Variants in ZFP64 observed in about 807,000 individuals in gnomAD.
The protein encoded by ZFP64 is zinc finger protein 64.
ZFP64 carries 14 observed loss-of-function variants against 51.6 expected under a neutral mutation model. The observed-to-expected ratio is 0.27, with a 90% CI of 0.18 to 0.42. ZFP64 has a LOEUF of 0.42. Among genes scored for constraint, ZFP64 ranks in the 10% least tolerant of loss-of-function variants. ZFP64 has a pLI of 1.00. For missense variants in ZFP64, 754 were observed against 906.8 expected, an observed-to-expected ratio of 0.83 and a Z score of 2.16; for synonymous variants, 375 against 361.4, an observed-to-expected ratio of 1.04 and a Z score of -0.43.
Position 52,151,999 on chromosome 20 carries a change from T to C in ZFP64, c.*147A>G. ...TTGCAGTGAGCCAAGATAGCGCCACTGCACTCCAGCCTGGGAAACAGAGCG... is the reference window on the plus strand; with the variant it reads ...TTGCAGTGAGCCAAGATAGCGCCACCGCACTCCAGCCTGGGAAACAGAGCG... On this transcript the variant is annotated 3_prime_UTR_variant, in exon 6 of 6. Transcript: ENST00000216923. 7.0e-7 allele frequency: 1 copy of C among 1,426,826 alleles called. No homozygotes were observed. Among genetic ancestry groups the C allele is most frequent in the Non-Finnish European group, 9.2e-7 (1 of 1,091,006 alleles). 88.4% of individuals were successfully genotyped at this position (1,426,826 alleles called of 1,614,324 possible).
chr20:52,130,328 C>T (rs772667242), intron 5 of ZFP64, among the ~76,000 whole-genome samples: 20 of 152,214 alleles, frequency 1.3e-4, no homozygotes, highest in Non-Finnish European at 2.4e-4. Flanking sequence ...ATCCTCCCAC[C>T]TCAGCCTCCA....
chr20:52,133,454 A>T (rs547866303), intron 5 of ZFP64, among the ~76,000 whole-genome samples: 1 of 152,306 alleles, frequency 6.6e-6, no homozygotes, highest in East Asian at 1.9e-4. Flanking sequence ...TATTTGGAAA[A>T]ACCTAAGGAC....
chr20:52,141,554 GA>G (rs1980255676), intron 5 of ZFP64, among the ~76,000 whole-genome samples: 1 of 152,162 alleles, frequency 6.6e-6, no homozygotes, highest in South Asian at 2.1e-4. Flanking sequence ...AGATGGTAGA[GA>G]TTGCAAGAGA....
chr20:52,104,390 C>T (rs529047898), intron 5 of ZFP64, among the ~76,000 whole-genome samples: 1 of 152,320 alleles, frequency 6.6e-6, no homozygotes, highest in Non-Finnish European at 1.5e-5. Flanking sequence ...TTGCTACATC[C>T]TGTGTCCACG....
intron 7 of ZFP64, chr20:52,097,071 G>A (rs1006129208): frequency 2.9e-6 from 2 of 695,294 alleles, no homozygotes; most frequent in Non-Finnish European, 5.5e-6. Context: ...GCACTCCTTT[G>A]CTTCAGCAGG....
chr20:52,104,992 G>T, intron 5 of ZFP64: 1 of 1,019,752 alleles, frequency 9.8e-7, no homozygotes, highest in Non-Finnish European at 1.4e-6. Context: ...GGACGCCCAG[G>T]TCCGAGTCCC....
At position 52,119,576 on chromosome 20, in the gene ZFP64, A is replaced by ACACACAC. The variant is rs1555802579; in HGVS notation, c.764-20990_764-20989insGTGTGTG. Among the ~76,000 whole-genome samples, 15 of 132,566 alleles carry ACACACAC rather than the reference A, an allele frequency of 1.1e-4. No homozygotes were observed. The East Asian group carries it at 2.3e-3, about 20-fold the overall frequency. 87.0% of individuals were successfully genotyped at this position (132,566 alleles called of 152,430 possible). On this transcript the variant is annotated intron_variant, in intron 5 of 8. Transcript: ENST00000361387. ...TATACATATATATATATACACACAC[A>ACACACAC]ACACACACACACACACACACACATA...
exon 9 of ZFP64, chr20:52,084,230 G>T: frequency 3.4e-6 from 1 of 290,390 alleles, no homozygotes; most frequent in Non-Finnish European, 6.4e-6. Context: ...ATCAGAGATG[G>T]ATCAGTTTTA....
chr20:52,104,980 G>A, intron 5 of ZFP64: 2 of 882,552 alleles, frequency 2.3e-6, no homozygotes, highest in African/African-American at 1.7e-5. Context: ...GGCGGGGGGC[G>A]GGGACGCCCA....
intron 2 of ZFP64, among the ~76,000 whole-genome samples, chr20:52,175,711 G>T (rs1983138247): frequency 6.6e-6 from 1 of 152,112 alleles, no homozygotes; most frequent in Non-Finnish European, 1.5e-5. Context: ...GGACGTGGTG[G>T]TGGGCGCCTG....
chr20:52,100,642 TTTA>T (rs869049782), intron 5 of ZFP64, among the ~76,000 whole-genome samples: 2 of 152,128 alleles, frequency 1.3e-5, no homozygotes, highest in African/African-American at 4.8e-5. Flanking sequence ...GATTATCACT[TTTA>T]TTGAGAAGTT....
chr20:52,158,056 A>G (rs973205261), intron 5 of ZFP64, among the ~76,000 whole-genome samples: 6 of 152,060 alleles, frequency 3.9e-5, no homozygotes, highest in African/African-American at 1.4e-4. Context: ...CATTTTCTTT[A>G]TCCAGTCTAT....
At chr20:52,133,249 A>C (rs531601358) in intron 5 of ZFP64, among the ~76,000 whole-genome samples, 1 of 152,228 alleles carries the variant, frequency 6.6e-6, no homozygotes, top group Non-Finnish European at 1.5e-5. Context: ...AGCTAGTATC[A>C]TAACTAATAG....
chr20:52,183,747 G>A (rs1244895683), intron 2 of ZFP64, among the ~76,000 whole-genome samples: 1 of 152,064 alleles, frequency 6.6e-6, no homozygotes, highest in Non-Finnish European at 1.5e-5. Flanking sequence ...AAAAAACTCA[G>A]TAGAAACATT....
Position 52,153,272 on chromosome 20 carries a change from C to T in ZFP64, c.920G>A (p.Arg307His), listed in dbSNP as rs558575057. The change falls in exon 6 of 6, where the codon CGT (arginine) becomes CAT (histidine). Residue 307 changes from arginine (R) to histidine (H), a missense_variant. By Grantham distance (29) the Arg-to-His change is conservative. Around this residue, in one of 3 missense-constraint regions of ZFP64, gnomAD observed 231 missense variants for 336.7 expected, o/e 0.69. Transcript: ENST00000216923. The surrounding 1 kb of genome is among the most constrained non-coding windows in gnomAD (Gnocchi z 5.1). ...TMKGNLKSHI[R>H]IKHSGNNFKC... Reference sequence around the variant, plus strand: ...GAAGTTATTCCCGCTGTGCTTGATACGGATGTGCGACTTGAGGTTCCCCTT... The same window carrying T: ...GAAGTTATTCCCGCTGTGCTTGATATGGATGTGCGACTTGAGGTTCCCCTT... The T allele has an allele frequency of 3.1e-6, 5 of 1,614,210 alleles. No homozygotes were observed. Among genetic ancestry groups the T allele is most frequent in the East Asian group, 2.2e-5 (1 of 44,890 alleles).
chr20:52,176,406 G>A (rs1983214411), intron 2 of ZFP64, among the ~76,000 whole-genome samples: 2 of 152,168 alleles, frequency 1.3e-5, no homozygotes, highest in South Asian at 2.1e-4. Flanking sequence ...GCAGTTCTGG[G>A]TGGGGCCGAG....
intron 5 of ZFP64, among the ~76,000 whole-genome samples, chr20:52,121,716 C>G (rs1460045962): frequency 6.6e-6 from 1 of 152,162 alleles, no homozygotes; most frequent in Non-Finnish European, 1.5e-5. Context: ...ATGAAGGAGG[C>G]TACACTGAGC....
intron 5 of ZFP64, among the ~76,000 whole-genome samples, chr20:52,098,848 A>G (rs2079020425): frequency 6.6e-6 from 1 of 151,934 alleles, no homozygotes; most frequent in Non-Finnish European, 1.5e-5. Flanking sequence ...CTAAAAATAC[A>G]AGAATCAGCC....
At chr20:52,104,649 G>A (rs943746690) in intron 5 of ZFP64, 6 of 470,710 alleles carry the variant, frequency 1.3e-5, no homozygotes, top group African/African-American at 8.0e-5. Context: ...CTTCCCCCGG[G>A]TACCTGCACA....
Sources: allele counts gnomAD v4.1 joint callset (sites outside exome capture counted in the v4.1 genomes callset), GRCh38; gene constraint gnomAD v4.1.1; regional missense constraint gnomAD v4.1.1; non-coding constraint Gnocchi (gnomAD v3.1); transcripts MANE v1.5; gene names NCBI Gene and HGNC (gene_info 2026-07-23, HGNC 2026-07-21).